The following LMO7 variants were observed in gnomAD, a reference collection of about 807,000 sequenced individuals.
The protein encoded by LMO7 is LIM domain only protein 7.
A neutral mutation model predicts 206.5 loss-of-function variants in LMO7; 120 were observed. That is an observed-to-expected ratio of 0.58 (90% CI 0.50 to 0.68). The LOEUF is 0.68. Ranked by LOEUF, LMO7 falls within the 30% of genes least tolerant of loss-of-function variation. LMO7 has a pLI of 0.00. For missense variants in LMO7, 1,959 were observed against 1,957.9 expected (o/e 1.00, Z -0.01); for synonymous variants, 706 against 681.5 (o/e 1.04, Z -0.56).
At chr13:75,671,532 C>T (rs1279174882) in intron 1 of LMO7, among the ~76,000 whole-genome samples, 1 of 152,070 alleles carries the variant, frequency 6.6e-6, no homozygotes, top group East Asian at 1.9e-4. Context: ...TTTCTGTCTC[C>T]CAGTGTCCCC....
chr13:75,645,043 A>G (rs1385024288), intron 1 of LMO7, among the ~76,000 whole-genome samples: 1 of 152,252 alleles, frequency 6.6e-6, no homozygotes, highest in African/African-American at 2.4e-5. Context: ...AAACATTTTA[A>G]TATAACATTG....
At chr13:75,712,279 C>T (rs917694937) in intron 1 of LMO7, among the ~76,000 whole-genome samples, 1 of 152,268 alleles carries the variant, frequency 6.6e-6, no homozygotes, top group Admixed American at 6.5e-5. Flanking sequence ...AGGGACTACT[C>T]CTGTTTTTAC....
At chr13:75,626,240 C>T (rs1365861575) in intron 2 of LMO7, among the ~76,000 whole-genome samples, 1 of 151,890 alleles carries the variant, frequency 6.6e-6, no homozygotes, top group Non-Finnish European at 1.5e-5. Flanking sequence ...AAAGACATAC[C>T]CGAGACTGGG....
rs538276956 is a variant in LMO7, at chr13:75,849,217, A to G, written c.4289A>G (p.Asn1430Ser). 2.8e-5 allele frequency: 45 copies of G among 1,614,164 alleles called. No homozygotes were observed. The South Asian group carries it at 3.8e-4, about 14-fold the overall frequency. The change falls in exon 27 of 31, where the codon AAT becomes AGT. Residue 1430 changes from asparagine to serine, a missense_variant. By Grantham distance (46) the Asn-to-Ser change is conservative. Transcript: ENST00000377534. ...QEMRKRTPLH[N>S]DNSWIRQRSA... is the part of the protein sequence containing the mutation. ...ATGAGGAAGAGAACACCCCTTCACA[A>G]TGACAACAGCTGGATCCGACAGCGC... is the stretch of plus-strand genomic sequence containing the variant.
At position 75,849,009 on chromosome 13, in the gene LMO7, G is replaced by A. The variant is rs1363628313; in HGVS notation, c.4151-70G>A. On this transcript the variant is annotated intron_variant, in intron 26 of 30. Coordinates refer to ENST00000377534, the MANE Select transcript of LMO7 (RefSeq NM_001306080.2). ...TTGATTTGCATTTCCCTGATCACTA[G>A]TGATGTCAATCATCACTGTCACTTT... 4.6e-6 allele frequency: 4 copies of A among 875,342 alleles called. No homozygotes were observed. In the African/African-American group the frequency reaches 5.1e-5, roughly 11 times the overall value. The allele number at this position is 875,342 out of a possible 1,614,324, so 54.2% of individuals were successfully genotyped here.
intron 3 of LMO7, among the ~76,000 whole-genome samples, chr13:75,739,446 G>A (rs1286502502): frequency 2.0e-5 from 3 of 152,220 alleles, no homozygotes; most frequent in South Asian, 2.1e-4. Context: ...TAGAAAGCAG[G>A]AAATGGGCAG....
chr13:75,720,166 C>T (rs1217482950), intron 2 of LMO7, among the ~76,000 whole-genome samples: 1 of 152,018 alleles, frequency 6.6e-6, no homozygotes, highest in Non-Finnish European at 1.5e-5. Context: ...AGGTCTTTGG[C>T]CCATTTTTTA....
At position 75,727,187 on chromosome 13, in the gene LMO7, C is replaced by T; in HGVS notation, c.210+89C>T. On this transcript the variant is annotated intron_variant, in intron 3 of 30. Transcript: ENST00000377534. Reference sequence around the variant, plus strand: ...AGGCAGATTTTTGTATCTGCAATTACCACTGAAATTAGGTTATGGTTTTTT... The same window carrying T: ...AGGCAGATTTTTGTATCTGCAATTATCACTGAAATTAGGTTATGGTTTTTT... 3 of 742,786 alleles carry T rather than the reference C, an allele frequency of 4.0e-6. No homozygotes were observed. In the South Asian group the frequency reaches 5.3e-5, roughly 13 times the overall value. 46.0% of individuals were successfully genotyped at this position (742,786 alleles called of 1,614,324 possible).
At chr13:75,725,631 A>T (rs1444834671) in intron 2 of LMO7, among the ~76,000 whole-genome samples, 1 of 152,090 alleles carries the variant, frequency 6.6e-6, no homozygotes, top group African/African-American at 2.4e-5. Flanking sequence ...TAAGAAAAAA[A>T]TCATGTGGAC....
intron 1 of LMO7, among the ~76,000 whole-genome samples, chr13:75,643,752 G>GCCATCT (rs2036774131): frequency 2.0e-5 from 3 of 152,268 alleles, no homozygotes; most frequent in African/African-American, 7.2e-5. Context: ...TCAATCTGTG[G>GCCATCT]CTTTGCTTAA....
At chr13:75,657,025 G>A (rs1234552269) in intron 1 of LMO7, among the ~76,000 whole-genome samples, 2 of 152,214 alleles carry the variant, frequency 1.3e-5, no homozygotes, top group African/African-American at 4.8e-5. Flanking sequence ...CAAATCCAGT[G>A]TGATTGGTAT....
chr13:75,841,697 G>A lies in LMO7; in HGVS notation c.3745G>A (p.Ala1249Thr). The change falls in exon 24 of 31, where the codon GCT becomes ACT. Residue 1249 changes from alanine (A) to threonine (T), a missense_variant. Coordinates refer to ENST00000377534, the MANE Select transcript of LMO7 (RefSeq NM_001306080.2). ...TREPSLATWEATWSEGSKSSD... is the reference protein window; with the variant it reads ...TREPSLATWETTWSEGSKSSD... ...GGAGCCCTCTCTTGCCACCTGGGAA[G>A]CTACCTGGAGTGAAGGGTCCAAGTC... 1 of 1,614,134 alleles carries A rather than the reference G, an allele frequency of 6.2e-7. No homozygotes were observed. Among genetic ancestry groups the A allele is most frequent in the East Asian group, 2.2e-5 (1 of 44,878 alleles).
At chr13:75,789,284 G>A (rs2052908894) in intron 4 of LMO7, among the ~76,000 whole-genome samples, 1 of 152,116 alleles carries the variant, frequency 6.6e-6, no homozygotes, top group Admixed American at 6.5e-5. Flanking sequence ...TAGGGGCTGG[G>A]ATTTGGGGAG....
At chr13:75,720,599 A>C (rs1360921314) in intron 2 of LMO7, among the ~76,000 whole-genome samples, 1 of 152,192 alleles carries the variant, frequency 6.6e-6, no homozygotes, top group Non-Finnish European at 1.5e-5. Flanking sequence ...TTAGTGCTAT[A>C]ATTATTGAGG....
chr13:75,825,333 C>A (rs2058016775), intron 15 of LMO7, among the ~76,000 whole-genome samples: 1 of 152,066 alleles, frequency 6.6e-6, no homozygotes, highest in Admixed American at 6.6e-5. Flanking sequence ...TTACCTTTTT[C>A]AAATAGCAAA....
chr13:75,678,287 A>G (rs542730835), intron 1 of LMO7, among the ~76,000 whole-genome samples: 51 of 152,278 alleles, frequency 3.3e-4, no homozygotes, highest in Admixed American at 3.3e-4. Flanking sequence ...ATTTCTCCAT[A>G]TCCTCTCCAG....
intron 1 of LMO7, among the ~76,000 whole-genome samples, chr13:75,651,864 G>A (rs758760926): frequency 2.0e-5 from 3 of 152,048 alleles, no homozygotes; most frequent in Non-Finnish European, 4.4e-5. Context: ...TTCTGGCAGT[G>A]CCATAAAGGA....
At chr13:75,813,473 C>G (rs141248840) in intron 11 of LMO7, among the ~76,000 whole-genome samples, 1 of 152,204 alleles carries the variant, frequency 6.6e-6, no homozygotes, top group African/African-American at 2.4e-5. Flanking sequence ...AAAACTGGCA[C>G]CATGGCTGGG....
intron 26 of LMO7, among the ~76,000 whole-genome samples, chr13:75,846,760 T>C (rs2060026028): frequency 6.6e-6 from 1 of 152,180 alleles, no homozygotes; most frequent in Admixed American, 6.5e-5. Flanking sequence ...AAATATTTGA[T>C]TTAAAAACTT....
Sources: gnomAD v4.1 joint callset for allele counts (sites outside exome capture counted in the v4.1 genomes callset) on GRCh38, gnomAD v4.1.1 for gene constraint, MANE v1.5 for transcripts, NCBI Gene and HGNC (gene_info 2026-07-23, HGNC 2026-07-21) for gene names.